SEC22C: variants seen among roughly 807,000 people sequenced by gnomAD.
SEC22C encodes SEC22 homolog C, vesicle trafficking protein.
In SEC22C, 29 loss-of-function variants were observed where a neutral mutation model predicts 34.7. The ratio of observed to expected loss-of-function variants is 0.84; its 90% CI spans 0.62 to 1.14. The LOEUF (loss-of-function observed/expected upper bound fraction) is 1.14, where lower values mean the gene tolerates loss of function less well. Ranked by LOEUF, SEC22C falls within the 50% of genes most tolerant of loss-of-function variation. SEC22C has a pLI of 0.00. For missense variants in SEC22C, 337 were observed against 369.0 expected, an observed-to-expected ratio of 0.91 and a Z score of 0.71; for synonymous variants, 117 against 132.8, an observed-to-expected ratio of 0.88 and a Z score of 0.82.
At chr3:42,598,961 C>A (rs1183185280) in intron 1 of SEC22C, among the ~76,000 whole-genome samples, 2 of 148,918 alleles carry the variant, frequency 1.3e-5, no homozygotes, top group African/African-American at 5.0e-5. Flanking sequence ...ATCTATAGAT[C>A]TATAGATAGA....
chr3:42,559,199 G>A (rs1054361912), intron 4 of SEC22C, among the ~76,000 whole-genome samples: 3 of 152,036 alleles, frequency 2.0e-5, no homozygotes, highest in Non-Finnish European at 2.9e-5. Flanking sequence ...CAAATACCTC[G>A]CCACAATCCA....
chr3:42,578,293 C>T (rs573688651), intron 1 of SEC22C, among the ~76,000 whole-genome samples: 13 of 152,266 alleles, frequency 8.5e-5, no homozygotes, highest in African/African-American at 3.1e-4. Context: ...GTGCATTATG[C>T]TTGGTTATAA....
At chr3:42,565,612 C>T (rs560550361) in intron 2 of SEC22C, among the ~76,000 whole-genome samples, 1 of 152,162 alleles carries the variant, frequency 6.6e-6, no homozygotes, top group East Asian at 1.9e-4. Context: ...AATTTGGACA[C>T]AGAGACAGAA....
intron 1 of SEC22C, among the ~76,000 whole-genome samples, chr3:42,579,212 G>A (rs1459118653): frequency 2.0e-5 from 3 of 152,136 alleles, no homozygotes; most frequent in African/African-American, 7.2e-5. Context: ...AGGAGGCAGA[G>A]GTTGCAGTCA....
At chr3:42,565,804 A>T (rs1703202449) in intron 2 of SEC22C, 1 of 435,506 alleles carries the variant, frequency 2.3e-6, no homozygotes, top group Non-Finnish European at 4.5e-6. Flanking sequence ...TGTTGTTTGA[A>T]GCCAGTTTGT....
At chr3:42,590,891 C>T (rs371799069) in intron 1 of SEC22C, 41 of 1,591,192 alleles carry the variant, frequency 2.6e-5, no homozygotes, top group Non-Finnish European at 3.4e-5. Context: ...TCCGGAGGTT[C>T]CTCGGGATGT....
In SEC22C at chr3:42,549,234, GC is replaced by G; in HGVS notation, c.*4013del. On this transcript the variant is annotated 3_prime_UTR_variant, in exon 7 of 7. Coordinates refer to ENST00000264454, the MANE Select transcript of SEC22C (RefSeq NM_032970.4). ...GTGAGCAATGTCTGAACAGGGGCTT[GC>G]CAGGCACATCTGATCACCATAAATG... 1.0e-6 allele frequency: 1 copy of G among 986,442 alleles called. No homozygotes were observed. The allele number at this position is 986,442 out of a possible 1,614,324, so 61.1% of individuals were successfully genotyped here. A position where few individuals can be genotyped will look rare whatever the true frequency, so the allele number is the denominator to read the frequency against.
At chr3:42,578,467 G>C (rs970704035) in intron 1 of SEC22C, among the ~76,000 whole-genome samples, 3 of 151,916 alleles carry the variant, frequency 2.0e-5, no homozygotes, top group Admixed American at 2.0e-4. Context: ...AAAGGCATCT[G>C]GTGATGGAAT....
chr3:42,570,138 G>A (rs1284099026), intron 1 of SEC22C, among the ~76,000 whole-genome samples: 1 of 152,172 alleles, frequency 6.6e-6, no homozygotes, highest in African/African-American at 2.4e-5. Flanking sequence ...CTCTAGGGAT[G>A]CAACCTTATT....
At chr3:42,583,770 G>T (rs1226193450), upstream of SEC22C, among the ~76,000 whole-genome samples, 3 of 152,196 alleles carry the variant, frequency 2.0e-5, no homozygotes, top group African/African-American at 7.2e-5. Flanking sequence ...CTACTCTGGA[G>T]TTGGGACACC....
In SEC22C at chr3:42,551,189, C is replaced by T. The variant is rs1331293588; in HGVS notation, c.*2059G>A. The T allele has an allele frequency of 2.0e-5, 20 of 985,370 alleles. No individual in the cohort carries two copies. The highest frequency in any genetic ancestry group is 2.4e-5 in the Non-Finnish European group (20 of 829,918). The allele number at this position is 985,370 out of a possible 1,614,324, so 61.0% of individuals were successfully genotyped here. On this transcript the variant is annotated 3_prime_UTR_variant, in exon 7 of 7. Coordinates refer to ENST00000264454, the MANE Select transcript of SEC22C (RefSeq NM_032970.4). Reference sequence around the variant, plus strand: ...CATTTAAAACATTTTACCTCCCCTCCTTAACTTCCCATTCTATTTCACCAT... The same window carrying T: ...CATTTAAAACATTTTACCTCCCCTCTTTAACTTCCCATTCTATTTCACCAT...
chr3:42,549,545 C>T lies in SEC22C; in HGVS notation c.*3703G>A. On this transcript the variant is annotated 3_prime_UTR_variant, in exon 7 of 7. Coordinates refer to ENST00000264454, the MANE Select transcript of SEC22C (RefSeq NM_032970.4). ...GCTGGCTATTGTCTCTGACTCTGAGCTGTGCTGACCACCAAGTGTTACTCC... is the reference window on the plus strand; with the variant it reads ...GCTGGCTATTGTCTCTGACTCTGAGTTGTGCTGACCACCAAGTGTTACTCC... 1.0e-6 allele frequency: 1 copy of T among 968,434 alleles called. No individual in the cohort carries two copies. Among genetic ancestry groups the T allele is most frequent in the Non-Finnish European group, 1.2e-6 (1 of 827,524 alleles). The allele number at this position is 968,434 out of a possible 1,614,324, so 60.0% of individuals were successfully genotyped here.
chr3:42,600,398 C>A (rs1168767886), intron 1 of SEC22C: 1 of 152,196 alleles, frequency 6.6e-6, no homozygotes, highest in African/African-American at 2.4e-5. Context: ...ATGCGCGGCG[C>A]TCACAGCCAC....
At chr3:42,601,073 G>A in exon 1 of SEC22C, 2 of 1,562,972 alleles carry the variant, frequency 1.3e-6, no homozygotes, top group Middle Eastern at 2.3e-4. Context: ...GGGTGAGCTG[G>A]AAACTGGGGA....
intron 1 of SEC22C, among the ~76,000 whole-genome samples, chr3:42,580,267 G>C (rs538308331): frequency 6.6e-6 from 1 of 152,236 alleles, no homozygotes; most frequent in Non-Finnish European, 1.5e-5. Flanking sequence ...GAAAAACAGA[G>C]AGAAAGAGAG....
Position 42,549,227 on chromosome 3 carries a change from G to A in SEC22C, c.*4021C>T, listed in dbSNP as rs1006244352. On this transcript the variant is annotated 3_prime_UTR_variant, in exon 7 of 7. Coordinates refer to ENST00000264454, the MANE Select transcript of SEC22C (RefSeq NM_032970.4). ...TTGGAATGTGAGCAATGTCTGAACA[G>A]GGGCTTGCCAGGCACATCTGATCAC... 2 of 986,568 alleles carry A rather than the reference G, an allele frequency of 2.0e-6. No homozygotes were observed. Among genetic ancestry groups the A allele is most frequent in the Non-Finnish European group, 2.4e-6 (2 of 830,664 alleles). The allele number at this position is 986,568 out of a possible 1,614,324, so 61.1% of individuals were successfully genotyped here.
chr3:42,570,302 G>C (rs2125714423), intron 1 of SEC22C, among the ~76,000 whole-genome samples: 1 of 152,274 alleles, frequency 6.6e-6, no homozygotes, highest in African/African-American at 2.4e-5. Flanking sequence ...CACCTTCTCA[G>C]ACTTGTCCAG....
intron 1 of SEC22C, among the ~76,000 whole-genome samples, chr3:42,578,156 C>G (rs1235964506): frequency 6.6e-6 from 1 of 152,092 alleles, no homozygotes. Context: ...CTGAAAACAA[C>G]CAAAATGTCC....
intron 2 of SEC22C, among the ~76,000 whole-genome samples, chr3:42,566,405 G>A (rs984406023): frequency 2.6e-5 from 4 of 152,092 alleles, no homozygotes; most frequent in Non-Finnish European, 4.4e-5. Context: ...GGCCGGGTGC[G>A]GTGGCTCACG....
Sources: gnomAD v4.1 joint callset for allele counts (sites outside exome capture counted in the v4.1 genomes callset) on GRCh38, gnomAD v4.1.1 for gene constraint, MANE v1.5 for transcripts, NCBI Gene and HGNC (gene_info 2026-07-23, HGNC 2026-07-21) for gene names.